Variants in ABCB11 observed in about 807,000 individuals in gnomAD.
ABCB11 encodes bile salt export pump.
A neutral mutation model predicts 148.0 loss-of-function variants in ABCB11; 95 were observed. The observed-to-expected ratio is 0.64, with a 90% confidence interval of 0.54 to 0.76. The LOEUF (loss-of-function observed/expected upper bound fraction) is 0.76. Ranked by LOEUF, ABCB11 falls within the 30% of genes least tolerant of loss-of-function variation. The pLI is 0.00. For missense variants in ABCB11, 1,523 were observed against 1,617.8 expected (o/e 0.94, Z 1.01); for synonymous variants, 591 against 555.4 (o/e 1.06, Z -0.90).
intron 5 of ABCB11, among the ~76,000 whole-genome samples, chr2:169,007,782 G>C (rs1034204807): frequency 1.3e-5 from 2 of 152,052 alleles, no homozygotes; most frequent in African/African-American, 2.4e-5. Context: ...GAACAAACTA[G>C]ACATCACCAA....
chr2:169,006,494 T>C (rs1047841524), intron 5 of ABCB11, among the ~76,000 whole-genome samples: 1 of 152,104 alleles, frequency 6.6e-6, no homozygotes, highest in Admixed American at 6.6e-5. Flanking sequence ...CAAGGATGTG[T>C]GCTCTCACCA....
intron 14 of ABCB11, among the ~76,000 whole-genome samples, chr2:168,971,285 C>T (rs1055122133): frequency 2.0e-5 from 3 of 151,958 alleles, no homozygotes; most frequent in East Asian, 1.9e-4. Context: ...GAACCGTATA[C>T]GTGTTAACCC....
intron 5 of ABCB11, among the ~76,000 whole-genome samples, chr2:169,002,995 G>A (rs1184979731): frequency 6.6e-6 from 1 of 151,892 alleles, no homozygotes; most frequent in Non-Finnish European, 1.5e-5. Context: ...GGAACAGGTG[G>A]TGTTGGGTTA....
intron 21 of ABCB11, 148 bp downstream of exon 21, chr2:168,944,457 T>A: frequency 1.2e-6 from 1 of 828,904 alleles, no homozygotes; most frequent in East Asian, 2.6e-5. Context: ...TGTTTGTCAG[T>A]GTTAGAAGCA....
chr2:169,004,530 T>G (rs1202433513), intron 5 of ABCB11, among the ~76,000 whole-genome samples: 1 of 152,192 alleles, frequency 6.6e-6, no homozygotes, highest in East Asian at 1.9e-4. Flanking sequence ...GGTTGTTTTT[T>G]TATTTATGCT....
intron 1 of ABCB11, among the ~76,000 whole-genome samples, chr2:169,029,961 C>T (rs1445976601): frequency 1.6e-5 from 2 of 122,214 alleles, no homozygotes; most frequent in Non-Finnish European, 3.5e-5. Context: ...AGGATGGTCT[C>T]GATCTCTTGA....
Position 168,938,911 on chromosome 2 carries a change from A to AT in ABCB11, c.2611-2479dup, listed in dbSNP as rs528342262. Among the ~76,000 whole-genome samples, 503 of 151,980 alleles carry AT rather than the reference A, an allele frequency of 3.3e-3. 4 individuals are homozygous for AT. Among genetic ancestry groups the AT allele is most frequent in the Middle Eastern group, 0.014 (4 of 294 alleles). On this transcript the variant is annotated intron_variant, in intron 21 of 27. Coordinates refer to ENST00000650372, the MANE Select transcript of ABCB11 (RefSeq NM_003742.4). ...TTTAACAATATATACATATATTTTA[A>AT]TTTTTTTCTTTACAAAAAGGGCTCA...
intron 5 of ABCB11, among the ~76,000 whole-genome samples, chr2:169,005,990 C>T (rs1420509662): frequency 2.6e-5 from 4 of 152,112 alleles, no homozygotes; most frequent in South Asian, 2.1e-4. Flanking sequence ...AGAACTAATA[C>T]CAATTCTTCA....
At position 168,925,135 on chromosome 2, in the gene ABCB11, A is replaced by G. The variant is rs183208691; in HGVS notation, c.3619-332T>C. ...TTGATTTGAGACTCTCTGATTCTAG[A>G]TTCTTATCTGGAAAAATCCTTCCAA... is the stretch of plus-strand genomic sequence containing the variant. On this transcript the variant is annotated intron_variant, in intron 26 of 27. Transcript: ENST00000650372. Among the ~76,000 whole-genome samples the G allele has an allele frequency of 2.6e-4, 39 of 152,266 alleles. No homozygotes were observed. The East Asian group carries it at 7.3e-3, about 29-fold the overall frequency.
downstream of ABCB11, among the ~76,000 whole-genome samples, chr2:168,916,330 C>T (rs1690940689): frequency 6.6e-6 from 1 of 152,190 alleles, no homozygotes; most frequent in South Asian, 2.1e-4. Context: ...ACCTGAATTA[C>T]AGGAAGGAGG....
rs114596828 is a variant in ABCB11, at chr2:168,957,443, G to C, written c.2343+521C>G. On this transcript the variant is annotated intron_variant, in intron 19 of 27. Coordinates refer to ENST00000650372, the MANE Select transcript of ABCB11 (RefSeq NM_003742.4). ...AGAAATTCTAGGAAGTGAAAAATTG[G>C]AATAAGCTTAGTTTTCAATCATGCC... Among the ~76,000 whole-genome samples, 1,385 of 151,762 alleles carry C rather than the reference G, an allele frequency of 9.1e-3. 21 individuals are homozygous for C. Among genetic ancestry groups the C allele is most frequent in the African/African-American group, 0.031 (1,272 of 41,474 alleles).
chr2:168,942,020 T>A (rs1005207304), intron 21 of ABCB11, among the ~76,000 whole-genome samples: 2 of 152,000 alleles, frequency 1.3e-5, no homozygotes, highest in East Asian at 3.9e-4. Context: ...CTATATCTGG[T>A]ATTTTATTAT....
chr2:168,959,004 C>T (rs183124331), intron 18 of ABCB11, among the ~76,000 whole-genome samples: 13 of 151,754 alleles, frequency 8.6e-5, no homozygotes, highest in South Asian at 2.1e-4. Flanking sequence ...TACAGCAAAT[C>T]GACTATAAAG....
At chr2:169,014,777 A>T (rs1695302745) in intron 3 of ABCB11, among the ~76,000 whole-genome samples, 1 of 152,218 alleles carries the variant, frequency 6.6e-6, no homozygotes, top group South Asian at 2.1e-4. Context: ...ACATTAAATA[A>T]TGTTGATAAT....
intron 4 of ABCB11, among the ~76,000 whole-genome samples, 168 bp from the exon 5 acceptor site, chr2:169,013,678 C>T (rs545652191): frequency 7.2e-5 from 11 of 152,208 alleles, no homozygotes; most frequent in South Asian, 2.1e-4. Context: ...TTGAAATAAA[C>T]GGCACGGTAC....
chr2:168,976,495 GAA>G, intron 12 of ABCB11, 80 bp downstream of exon 12: 1 of 812,052 alleles, frequency 1.2e-6, no homozygotes, highest in East Asian at 2.9e-5. Flanking sequence ...TCAGGCTTCA[GAA>G]AATGAGCAAT....
intron 1 of ABCB11, among the ~76,000 whole-genome samples, chr2:169,028,159 T>G (rs1695757355): frequency 6.6e-6 from 1 of 152,054 alleles, no homozygotes; most frequent in Non-Finnish European, 1.5e-5. Context: ...TGAGATCAGT[T>G]CAGGGCAGCC....
chr2:169,007,084 A>T (rs1558923405), intron 5 of ABCB11, among the ~76,000 whole-genome samples: 1 of 152,176 alleles, frequency 6.6e-6, no homozygotes, highest in Admixed American at 6.5e-5. Flanking sequence ...GTAGAATCAC[A>T]CTTCTTGATT....
At chr2:168,966,050 A>G (rs1268512458) in intron 17 of ABCB11, among the ~76,000 whole-genome samples, 1 of 151,778 alleles carries the variant, frequency 6.6e-6, no homozygotes, top group Non-Finnish European at 1.5e-5. Flanking sequence ...CCTGCCACCA[A>G]ACTTCTGGGA....
Sources: gnomAD v4.1 joint callset for allele counts (sites outside exome capture counted in the v4.1 genomes callset) on GRCh38, gnomAD v4.1.1 for gene constraint, MANE v1.5 for transcripts, NCBI Gene and HGNC (gene_info 2026-07-23, HGNC 2026-07-21) for gene names.